SNX29: variants seen among roughly 807,000 people sequenced by gnomAD.
SNX29 encodes the protein sorting nexin-29.
In SNX29, 78 loss-of-function variants were observed where a neutral mutation model predicts 102.1. The observed-to-expected ratio is 0.76, with a 90% CI of 0.64 to 0.92. The LOEUF (loss-of-function observed/expected upper bound fraction) is 0.92, where lower values mean the gene tolerates loss of function less well. Ranked by LOEUF, SNX29 falls within the 40% of genes least tolerant of loss-of-function variation. SNX29 has a pLI of 0.00. For missense variants in SNX29, 1,280 were observed against 1,061.7 expected (o/e 1.21, Z -2.86); for synonymous variants, 580 against 414.5 (o/e 1.40, Z -4.85).
chr16:12,546,107 G>A (rs959845745), intron 20 of SNX29, among the ~76,000 whole-genome samples: 1 of 152,142 alleles, frequency 6.6e-6, no homozygotes, highest in African/African-American at 2.4e-5. Flanking sequence ...TGTGACTTTG[G>A]ACAATGTATT....
intron 19 of SNX29, among the ~76,000 whole-genome samples, chr16:12,516,247 A>C (rs1222955003): frequency 2.0e-5 from 3 of 152,096 alleles, no homozygotes; most frequent in African/African-American, 4.8e-5. Context: ...TAGGAGGCTG[A>C]GGAGGGAGGC....
chr16:12,164,336 G>A (rs2055917349), intron 13 of SNX29, among the ~76,000 whole-genome samples: 1 of 152,178 alleles, frequency 6.6e-6, no homozygotes, highest in Non-Finnish European at 1.5e-5. Context: ...CTGGTTAATA[G>A]AGTACTAGTT....
chr16:12,101,301 C>CTTTTTTT (rs1212782573), intron 11 of SNX29, among the ~76,000 whole-genome samples: 46,773 of 117,760 alleles, frequency 0.4, 11,187 homozygotes, highest in East Asian at 0.68. Context: ...CCCCCCCCAA[C>CTTTTTTT]TTTTTTTTTT....
intron 16 of SNX29, among the ~76,000 whole-genome samples, chr16:12,365,338 G>GTA (rs1362650160): frequency 6.7e-6 from 1 of 148,650 alleles, no homozygotes; most frequent in African/African-American, 2.6e-5. Context: ...GTGTGTGTGT[G>GTA]TGTGTGTGTG....
At chr16:12,151,824 C>T (rs374480924) in intron 13 of SNX29, among the ~76,000 whole-genome samples, 3 of 152,322 alleles carry the variant, frequency 2.0e-5, no homozygotes, top group East Asian at 3.9e-4. Flanking sequence ...CAACCTCTGC[C>T]TCCCGGGTTC....
chr16:12,114,814 C>T (rs2053631134), intron 11 of SNX29, among the ~76,000 whole-genome samples: 1 of 152,104 alleles, frequency 6.6e-6, no homozygotes, highest in Admixed American at 6.5e-5. Flanking sequence ...GTCTCAAATG[C>T]ATCATAATTC....
chr16:12,151,158 T>C (rs1165003888), intron 13 of SNX29, among the ~76,000 whole-genome samples: 1 of 152,246 alleles, frequency 6.6e-6, no homozygotes, highest in Non-Finnish European at 1.5e-5. Flanking sequence ...TCACTTGTTA[T>C]TACTCTTGCT....
Position 12,003,260 on chromosome 16 carries a change from A to G in SNX29, c.122+217A>G, listed in dbSNP as rs183184521. 4.7e-3 allele frequency among the ~76,000 whole-genome samples: 713 copies of G among 152,242 alleles called. 3 individuals are homozygous for G. Among genetic ancestry groups the G allele is most frequent in the Middle Eastern group, 0.014 (4 of 294 alleles). On this transcript the variant is annotated intron_variant, in intron 3 of 20. Transcript: ENST00000566228. ...TCATCTCCAACACTCCACATTTTCCATAATTCTCTTTCTAGGAATCTATTC... is the reference window on the plus strand; with the variant it reads ...TCATCTCCAACACTCCACATTTTCCGTAATTCTCTTTCTAGGAATCTATTC...
At chr16:12,186,441 C>G (rs2141869848) in intron 13 of SNX29, among the ~76,000 whole-genome samples, 1 of 152,222 alleles carries the variant, frequency 6.6e-6, no homozygotes, top group East Asian at 1.9e-4. Context: ...CCATTTGCCC[C>G]TAAATACTCA....
chr16:12,475,768 C>G (rs2087563892), intron 18 of SNX29, among the ~76,000 whole-genome samples: 1 of 152,230 alleles, frequency 6.6e-6, no homozygotes, highest in African/African-American at 2.4e-5. Flanking sequence ...CTACTGAATG[C>G]TTATTGCTTT....
intron 4 of SNX29, chr16:12,029,664 T>A (rs1352554427): frequency 2.2e-6 from 1 of 451,264 alleles, no homozygotes; most frequent in South Asian, 1.6e-5. Context: ...TGATCTCAGC[T>A]CACTGCAACC....
chr16:12,444,709 C>G (rs936444322), intron 18 of SNX29, among the ~76,000 whole-genome samples: 3 of 152,186 alleles, frequency 2.0e-5, no homozygotes, highest in African/African-American at 7.2e-5. Context: ...GTCCTTCCCT[C>G]TGTCTCTTCC....
intron 18 of SNX29, among the ~76,000 whole-genome samples, chr16:12,449,370 C>G (rs31713): frequency 6.6e-6 from 1 of 151,470 alleles, no homozygotes; most frequent in Non-Finnish European, 1.5e-5. Context: ...AGAATAGGCA[C>G]GGCAAGGACA....
At chr16:12,221,193 C>G (rs1323354981) in intron 14 of SNX29, among the ~76,000 whole-genome samples, 1 of 151,584 alleles carries the variant, frequency 6.6e-6, no homozygotes, top group Admixed American at 6.6e-5. Flanking sequence ...GAATGGCAAA[C>G]TTGGCACTGA....
In SNX29 at chr16:12,061,588, G is replaced by C. The variant is rs371077185; in HGVS notation, c.1185G>C (p.Leu395=). 1 of 1,611,858 alleles carries C rather than the reference G, an allele frequency of 6.2e-7. No individual in the cohort carries two copies. Among genetic ancestry groups the C allele is most frequent in the African/African-American group, 1.3e-5 (1 of 74,892 alleles). ...QMHSWAPLKV[L]HNDSDILFPV... is the part of the protein sequence containing the mutation. ...ACAGCTGGGCTCCGCTGAAGGTGCT[G>C]CACAATGACTCCGACATCCTCTTCC... Residue 395 remains leucine (L), a synonymous_variant, in exon 9 of 21, where the codon CTG becomes CTC. Transcript: ENST00000566228.
chr16:12,566,399 C>G (rs1431666353), intron 20 of SNX29, among the ~76,000 whole-genome samples: 2 of 131,418 alleles, frequency 1.5e-5, no homozygotes, highest in Non-Finnish European at 3.2e-5. Context: ...CTCCCAGGCA[C>G]TCTCAGAGCC....
At chr16:12,563,326 C>A (rs561833237) in intron 20 of SNX29, among the ~76,000 whole-genome samples, 7 of 152,192 alleles carry the variant, frequency 4.6e-5, no homozygotes, top group Admixed American at 2.0e-4. Flanking sequence ...GAGAGAGTCA[C>A]CGTCGAGGAG....
chr16:12,319,597 G>A (rs979272440), intron 15 of SNX29, among the ~76,000 whole-genome samples: 2 of 152,214 alleles, frequency 1.3e-5, no homozygotes, highest in South Asian at 4.1e-4. Context: ...CTGTTGATCT[G>A]TGATGTTGTG....
chr16:12,376,176 CG>C lies in SNX29; in HGVS notation c.1899+19901del, dbSNP rs34635586. The C allele has an allele frequency of 4.4e-3, 670 of 152,418 alleles. 3 individuals carry two copies. Among genetic ancestry groups the C allele is most frequent in the South Asian group, 0.02 (95 of 4,828 alleles). The allele number at this position is 152,418 out of a possible 1,614,324, so 9.4% of individuals were successfully genotyped here. ...AGGTGAGGACCAGGAACCGGAGCCACGGGGTCTGTTTTAGAAGGCTGCACAC... is the reference window on the plus strand; with the variant it reads ...AGGTGAGGACCAGGAACCGGAGCCACGGGTCTGTTTTAGAAGGCTGCACAC... On this transcript the variant is annotated intron_variant, in intron 16 of 20. Transcript: ENST00000566228.
Sources: allele counts gnomAD v4.1 joint callset (sites outside exome capture counted in the v4.1 genomes callset), GRCh38; gene constraint gnomAD v4.1.1; transcripts MANE v1.5; gene names NCBI Gene and HGNC (gene_info 2026-07-23, HGNC 2026-07-21).